Variants in SLC39A11 observed in about 807,000 individuals in gnomAD.
SLC39A11 encodes zinc transporter ZIP11.
Under a neutral mutation model 36.1 loss-of-function variants are expected in SLC39A11, and 33 were observed. The ratio of observed to expected loss-of-function variants is 0.91; its 90% CI spans 0.69 to 1.22. The LOEUF (loss-of-function observed/expected upper bound fraction) is 1.22. Among genes scored for constraint, SLC39A11 ranks in the 50% most tolerant of loss-of-function variants. The pLI, the probability that SLC39A11 is intolerant of heterozygous loss-of-function variation, is 0.00. For missense variants in SLC39A11, 432 were observed against 430.3 expected (o/e 1.00, Z -0.03); for synonymous variants, 166 against 170.3 (o/e 0.97, Z 0.20).
intron 5 of SLC39A11, among the ~76,000 whole-genome samples, chr17:72,865,257 C>T (rs997094458): frequency 1.1e-4 from 16 of 151,970 alleles, no homozygotes; most frequent in African/African-American, 3.9e-4. Context: ...CTGGAACACA[C>T]ACACCAGGGG....
chr17:72,700,047 G>A lies in SLC39A11; in HGVS notation c.671+36603C>T, dbSNP rs760734315. Among the ~76,000 whole-genome samples the A allele has an allele frequency of 7.9e-5, 11 of 139,704 alleles. 1 individual carries two copies. Among genetic ancestry groups the A allele is most frequent in the Non-Finnish European group, 1.5e-4 (9 of 61,220 alleles). 91.7% of individuals were successfully genotyped at this position (139,704 alleles called of 152,430 possible). On this transcript the variant is annotated intron_variant, in intron 7 of 9. Transcript: ENST00000255559. ...TAGATCAGGGGTTTCTGCAAGAACA[G>A]AAGCTCTTGGGAGACGAAGGTTGAA...
chr17:72,773,911 G>A (rs747910374), intron 6 of SLC39A11, among the ~76,000 whole-genome samples: 6 of 152,202 alleles, frequency 3.9e-5, no homozygotes, highest in Non-Finnish European at 5.9e-5. Context: ...ACTGGTGGGA[G>A]CAGCCTGTCC....
chr17:72,900,169 G>GAAAAGAA (rs1257310225), intron 5 of SLC39A11, among the ~76,000 whole-genome samples: 1 of 118,242 alleles, frequency 8.5e-6, no homozygotes, highest in African/African-American at 3.3e-5. Context: ...AAGAAAGAAA[G>GAAAAGAA]AAAGAAAGAA....
chr17:73,021,924 G>A (rs1490603215), intron 4 of SLC39A11, among the ~76,000 whole-genome samples: 1 of 152,220 alleles, frequency 6.6e-6, no homozygotes, highest in East Asian at 1.9e-4. Context: ...GTTCCCCTCA[G>A]CAAGCCAGCC....
intron 6 of SLC39A11, among the ~76,000 whole-genome samples, chr17:72,827,253 A>G (rs891337353): frequency 3.9e-5 from 6 of 152,246 alleles, no homozygotes; most frequent in African/African-American, 1.2e-4. Context: ...GCCACATACT[A>G]TATGATTTCA....
chr17:72,712,043 C>T (rs997653084), intron 7 of SLC39A11, among the ~76,000 whole-genome samples: 6 of 152,232 alleles, frequency 3.9e-5, no homozygotes, highest in Non-Finnish European at 8.8e-5. Context: ...AGACTGATGC[C>T]TTGTCCTACA....
At chr17:72,775,411 G>C (rs1459551517) in intron 6 of SLC39A11, among the ~76,000 whole-genome samples, 1 of 152,170 alleles carries the variant, frequency 6.6e-6, no homozygotes, top group African/African-American at 2.4e-5. Context: ...AGTAGGGCGG[G>C]TTGATTCTAG....
chr17:72,696,167 G>C (rs916215184), intron 7 of SLC39A11, among the ~76,000 whole-genome samples: 2 of 61,184 alleles, frequency 3.3e-5, no homozygotes, highest in African/African-American at 1.3e-4. Context: ...GGTGGGATTG[G>C]GAGTCATGGG....
chr17:72,944,107 G>A (rs895897661), intron 5 of SLC39A11, among the ~76,000 whole-genome samples: 2 of 152,090 alleles, frequency 1.3e-5, no homozygotes, highest in African/African-American at 4.8e-5. Flanking sequence ...CATTACTTAT[G>A]CTTATAAAAC....
chr17:72,658,493 T>C (rs543873656), intron 7 of SLC39A11, among the ~76,000 whole-genome samples: 57 of 152,306 alleles, frequency 3.7e-4, no homozygotes, highest in Admixed American at 2.2e-3. Context: ...CCTGACCCTG[T>C]TTCGCCCCAG....
chr17:72,846,904 G>A (rs1177979255), intron 6 of SLC39A11, among the ~76,000 whole-genome samples: 1 of 152,136 alleles, frequency 6.6e-6, no homozygotes, highest in Non-Finnish European at 1.5e-5. Context: ...CTAACTATTA[G>A]CACTTAACAG....
intron 1 of SLC39A11, among the ~76,000 whole-genome samples, chr17:73,089,345 G>A (rs958369676): frequency 3.5e-4 from 53 of 152,088 alleles, no homozygotes; most frequent in African/African-American, 1.2e-3. Flanking sequence ...ATGCCTGCAC[G>A]AGCACCCAAC....
Position 73,022,595 on chromosome 17 carries a change from TA to T in SLC39A11, c.306+8960del, listed in dbSNP as rs10675859. On this transcript the variant is annotated intron_variant, in intron 4 of 9. Coordinates refer to ENST00000255559, the MANE Select transcript of SLC39A11 (RefSeq NM_139177.4). ...GGGAGACAAGAGCAAAACTCCATCT[TA>T]AAAAAAAAAAAAAAAAAAAAAAAAG... 2.7e-3 allele frequency among the ~76,000 whole-genome samples: 152 copies of T among 56,770 alleles called. No homozygotes were observed. The East Asian group carries it at 0.029, about 11-fold the overall frequency. 37.2% of individuals were successfully genotyped at this position (56,770 alleles called of 152,430 possible). A position where few individuals can be genotyped will look rare whatever the true frequency, so the allele number is the denominator to read the frequency against.
chr17:72,796,866 C>T (rs1269130996), intron 6 of SLC39A11, among the ~76,000 whole-genome samples: 1 of 152,088 alleles, frequency 6.6e-6, no homozygotes, highest in African/African-American at 2.4e-5. Flanking sequence ...GACAACCCAG[C>T]CCTGATTTTC....
At chr17:72,955,389 G>A (rs1324948400) in intron 4 of SLC39A11, among the ~76,000 whole-genome samples, 1 of 131,472 alleles carries the variant, frequency 7.6e-6, no homozygotes, top group East Asian at 2.5e-4. Context: ...TGCAACCTCT[G>A]TCTCACGGGT....
chr17:72,831,727 G>T (rs1347283932), intron 6 of SLC39A11, among the ~76,000 whole-genome samples: 1 of 152,160 alleles, frequency 6.6e-6, no homozygotes, highest in East Asian at 1.9e-4. Context: ...CAACAAAACA[G>T]ATCAGTTTGA....
intron 5 of SLC39A11, among the ~76,000 whole-genome samples, chr17:72,941,917 G>C (rs959874705): frequency 6.6e-6 from 1 of 151,292 alleles, no homozygotes; most frequent in African/African-American, 2.4e-5. Context: ...GTCTCACTCT[G>C]TCGCCCAGGC....
intron 6 of SLC39A11, among the ~76,000 whole-genome samples, chr17:72,803,211 T>G (rs1355443239): frequency 6.6e-6 from 1 of 152,204 alleles, no homozygotes; most frequent in Non-Finnish European, 1.5e-5. Context: ...GAATCTCCAG[T>G]GCAGCCCCAT....
chr17:73,068,335 T>C lies in SLC39A11; in HGVS notation c.147+16473A>G, dbSNP rs556600300. ...GGTCTTTCTTGTTTTAGCCACTATG[T>C]TTCAGGTCTCAATTATTCTCAGTCA... On this transcript the variant is annotated intron_variant, in intron 3 of 9. Coordinates refer to ENST00000255559, the MANE Select transcript of SLC39A11 (RefSeq NM_139177.4). 10 of 558,456 alleles carry C rather than the reference T, an allele frequency of 1.8e-5. No homozygotes were observed. The East Asian group carries it at 2.9e-4, about 16-fold the overall frequency. The allele number at this position is 558,456 out of a possible 1,614,324, so 34.6% of individuals were successfully genotyped here.
Sources: allele counts gnomAD v4.1 joint callset (sites outside exome capture counted in the v4.1 genomes callset), GRCh38; gene constraint gnomAD v4.1.1; transcripts MANE v1.5; gene names NCBI Gene and HGNC (gene_info 2026-07-23, HGNC 2026-07-21).